Variants in BEGAIN observed in about 807,000 individuals in gnomAD.
The protein encoded by BEGAIN is brain enriched guanylate kinase associated.
A neutral mutation model predicts 35.8 loss-of-function variants in BEGAIN; 19 were observed. The ratio of observed to expected loss-of-function variants is 0.53; its 90% CI spans 0.37 to 0.78. The LOEUF (loss-of-function observed/expected upper bound fraction) is 0.78. Ranked by LOEUF, BEGAIN falls within the 30% of genes least tolerant of loss-of-function variation. The pLI is 0.00. For missense variants in BEGAIN, 795 were observed against 853.6 expected, an observed-to-expected ratio of 0.93 and a Z score of 0.85; for synonymous variants, 462 against 388.6, an observed-to-expected ratio of 1.19 and a Z score of -2.22.
chr14:100,545,275 A>G, intron 3 of BEGAIN: 1 of 1,414,402 alleles, frequency 7.1e-7, no homozygotes. Flanking sequence ...TTCCTAGGCC[A>G]GGGCCCAGGA....
chr14:100,575,652 T>TG (rs1359258379), intron 1 of BEGAIN, among the ~76,000 whole-genome samples: 3 of 151,636 alleles, frequency 2.0e-5, no homozygotes, highest in Non-Finnish European at 2.9e-5. Context: ...TGGGGGAAGG[T>TG]GGGGTGCAGC....
At position 100,567,282 on chromosome 14, in the gene BEGAIN, C is replaced by G. The variant is rs1165225566; in HGVS notation, c.71+629G>C. ...CCCAGGCCTGCCGCGCAGGTGGTCC[C>G]GTGAAGTCTACCAAGGCTTAAAGTT... On this transcript the variant is annotated intron_variant, in intron 2 of 6. Transcript: ENST00000554140. This position sits in a 1 kb window ranked among gnomAD's most constrained non-coding sequence, Gnocchi z 5.1. Among the ~76,000 whole-genome samples the G allele has an allele frequency of 6.6e-6, 1 of 152,166 alleles. No homozygotes were observed. Among genetic ancestry groups the G allele is most frequent in the African/African-American group, 2.4e-5 (1 of 41,446 alleles).
chr14:100,556,607 C>T (rs1429283455), intron 2 of BEGAIN, among the ~76,000 whole-genome samples: 1 of 152,222 alleles, frequency 6.6e-6, no homozygotes, highest in Non-Finnish European at 1.5e-5. Flanking sequence ...CAGGAGCCCT[C>T]TTCTCCATCC....
At chr14:100,580,228 G>A (rs1424967676) in intron 1 of BEGAIN, among the ~76,000 whole-genome samples, 2 of 152,150 alleles carry the variant, frequency 1.3e-5, no homozygotes, top group African/African-American at 4.8e-5. Context: ...ACTTGAACCC[G>A]GGAGGCAGAG....
At chr14:100,578,891 C>A (rs189126723) in intron 1 of BEGAIN, among the ~76,000 whole-genome samples, 1 of 131,322 alleles carries the variant, frequency 7.6e-6, no homozygotes, top group Non-Finnish European at 1.5e-5. Context: ...GATGGAGTTT[C>A]GCTCTTGTTG....
chr14:100,568,852 G>A lies in BEGAIN; in HGVS notation c.43-913C>T. 1 of 986,014 alleles carries A rather than the reference G, an allele frequency of 1.0e-6. No homozygotes were observed. Among genetic ancestry groups the A allele is most frequent in the Non-Finnish European group, 1.2e-6 (1 of 830,564 alleles). The allele number at this position is 986,014 out of a possible 1,614,324, so 61.1% of individuals were successfully genotyped here. A position where few individuals can be genotyped will look rare whatever the true frequency, so the allele number is the denominator to read the frequency against. On this transcript the variant is annotated intron_variant, in intron 1 of 6. Coordinates refer to ENST00000554140, the MANE Select transcript of BEGAIN (RefSeq NM_001385089.1). The surrounding 1 kb of genome is among the most constrained non-coding windows in gnomAD (Gnocchi z 7.5). Reference sequence around the variant, plus strand: ...TGCCCGTCTTTCTGTGCCGTGACTGGCACTCAAGGGGGACAGGGGTCCGAG... The same window carrying A: ...TGCCCGTCTTTCTGTGCCGTGACTGACACTCAAGGGGGACAGGGGTCCGAG...
chr14:100,564,123 A>C lies in BEGAIN; in HGVS notation c.71+3788T>G, dbSNP rs1162265974. ...GGGATCTTAGGGGCTGGCCGGGAGCAGGATGGGGCTGTCTGTGGGGAAGGG... is the reference window on the plus strand; with the variant it reads ...GGGATCTTAGGGGCTGGCCGGGAGCCGGATGGGGCTGTCTGTGGGGAAGGG... On this transcript the variant is annotated intron_variant, in intron 2 of 6. Transcript: ENST00000554140. Among the ~76,000 whole-genome samples the C allele has an allele frequency of 2.8e-5, 4 of 144,058 alleles. No individual in the cohort carries two copies. In the East Asian group the frequency reaches 8.9e-4, roughly 32 times the overall value. 94.5% of individuals were successfully genotyped at this position (144,058 alleles called of 152,430 possible).
rs1000928255 is a variant in BEGAIN, at chr14:100,537,824, G to T, written c.*145C>A. 2 of 1,267,256 alleles carry T rather than the reference G, an allele frequency of 1.6e-6. No homozygotes were observed. Among genetic ancestry groups the T allele is most frequent in the East Asian group, 2.8e-5 (1 of 35,768 alleles). The allele number at this position is 1,267,256 out of a possible 1,614,324, so 78.5% of individuals were successfully genotyped here. On this transcript the variant is annotated 3_prime_UTR_variant, in exon 7 of 7. Transcript: ENST00000554140. ...CTCCCCTCAGGCCTACAGGGCTGGG[G>T]AGGAGAGGAGGTGCGGGGAGGAACA...
chr14:100,546,158 G>A, intron 3 of BEGAIN: 1 of 182,264 alleles, frequency 5.5e-6, no homozygotes, highest in East Asian at 7.7e-5. Flanking sequence ...TGGGCCCCGG[G>A]TGGACCAGTC....
At position 100,558,358 on chromosome 14, in the gene BEGAIN, G is replaced by A. The variant is rs898903332; in HGVS notation, c.71+9553C>T. ...GCACATGCTGCCTCTCCCTGCTCCC[G>A]CACCTCCCACCCTCACTGCGCTCTC... is the stretch of plus-strand genomic sequence containing the variant. On this transcript the variant is annotated intron_variant, in intron 2 of 6. Transcript: ENST00000554140. This position sits in a 1 kb window ranked among gnomAD's most constrained non-coding sequence, Gnocchi z 4.6. Among the ~76,000 whole-genome samples the A allele has an allele frequency of 3.3e-5, 5 of 152,200 alleles. No individual in the cohort carries two copies. The highest frequency in any genetic ancestry group is 2.1e-4 in the South Asian group (1 of 4,818).
intron 2 of BEGAIN, among the ~76,000 whole-genome samples, chr14:100,553,896 A>G (rs1186360593): frequency 6.6e-6 from 1 of 151,868 alleles, no homozygotes; most frequent in East Asian, 1.9e-4. Flanking sequence ...CTGGCTCCCC[A>G]CTGCCCTACA....
intron 1 of BEGAIN, among the ~76,000 whole-genome samples, chr14:100,579,024 C>A (rs2035263090): frequency 6.6e-6 from 1 of 152,098 alleles, no homozygotes; most frequent in South Asian, 2.1e-4. Flanking sequence ...CCATGCCTGG[C>A]TAATTTTTGT....
chr14:100,538,965 G>A lies in BEGAIN; in HGVS notation c.843C>T (p.Ser281=). ...TDVGFLRAQN[S]TDSAAEEEEE... is the part of the protein sequence containing the mutation. The stretch of plus-strand genomic sequence containing the variant: ...CCTCCTCCTCGGCCGCGCTGTCAGT[G>A]GAGTTCTGGGCCCGCAGGAAGCCCA... Residue 281 remains serine, a synonymous_variant, in exon 7 of 7, where the codon TCC becomes TCT. Transcript: ENST00000554140. 1 of 1,610,060 alleles carries A rather than the reference G, an allele frequency of 6.2e-7. No homozygotes were observed. Among genetic ancestry groups the A allele is most frequent in the Admixed American group, 1.7e-5 (1 of 59,788 alleles).
chr14:100,553,264 C>T (rs993273041), intron 2 of BEGAIN, among the ~76,000 whole-genome samples: 3 of 152,180 alleles, frequency 2.0e-5, no homozygotes, highest in South Asian at 2.1e-4. Context: ...ATGCCCCTCC[C>T]GCCGCCTCTC....
chr14:100,556,244 G>T (rs1286165974), intron 2 of BEGAIN, among the ~76,000 whole-genome samples: 2 of 151,900 alleles, frequency 1.3e-5, no homozygotes, highest in Non-Finnish European at 2.9e-5. Flanking sequence ...CTGGCTGGCC[G>T]CGCCACTGCT....
At chr14:100,582,647 T>C (rs1172959337) in intron 1 of BEGAIN, among the ~76,000 whole-genome samples, 1 of 152,102 alleles carries the variant, frequency 6.6e-6, no homozygotes, top group South Asian at 2.1e-4. Context: ...AGATAGGACA[T>C]GTACACAGCT....
chr14:100,586,828 G>C lies in BEGAIN; in HGVS notation c.42+421C>G, dbSNP rs2035454542. On this transcript the variant is annotated intron_variant, in intron 1 of 6. Coordinates refer to ENST00000554140, the MANE Select transcript of BEGAIN (RefSeq NM_001385089.1). The surrounding 1 kb of genome is among the most constrained non-coding windows in gnomAD (Gnocchi z 4.9). ...CCTTTCTCCGGCCTCCCAAGCAGGG[G>C]CTGGCCCTGCCCCCAGACGCAGGCG... Among the ~76,000 whole-genome samples, 1 of 152,166 alleles carries C rather than the reference G, an allele frequency of 6.6e-6. No individual in the cohort carries two copies. Among genetic ancestry groups the C allele is most frequent in the Non-Finnish European group, 1.5e-5 (1 of 68,016 alleles).
At position 100,538,735 on chromosome 14, in the gene BEGAIN, G is replaced by C; in HGVS notation, c.1073C>G (p.Pro358Arg). The change falls in exon 7 of 7, where the codon CCC becomes CGC. Residue 358 changes from proline to arginine, a missense_variant. Transcript: ENST00000554140. ...SRDELFDRKPPATTYEGSPRF... is the reference protein window; with the variant it reads ...SRDELFDRKPRATTYEGSPRF... ...AGGGCTGCCCTCGTAGGTGGTGGCG[G>C]GTGGCTTGCGGTCGAAGAGCTCGTC... The C allele has an allele frequency of 1.3e-6, 2 of 1,569,012 alleles. No individual in the cohort carries two copies. The highest frequency in any genetic ancestry group is 1.7e-6 in the Non-Finnish European group (2 of 1,157,832).
chr14:100,587,195 CCCCGCCTCCGCGCCCGCG>C, intron 1 of BEGAIN, 36 bp downstream of exon 1: 2 of 178,404 alleles, frequency 1.1e-5, no homozygotes, highest in Non-Finnish European at 2.3e-5. Context: ...GTGGCGCCCG[CCCCGCCTCCGCGCCCGCG>C]CCCGCGCCCT....
Sources: gnomAD v4.1 joint callset for allele counts (sites outside exome capture counted in the v4.1 genomes callset) on GRCh38, gnomAD v4.1.1 for gene constraint, Gnocchi (gnomAD v3.1) non-coding constraint, MANE v1.5 for transcripts, NCBI Gene and HGNC (gene_info 2026-07-23, HGNC 2026-07-21) for gene names.